MYO10: variants seen among roughly 807,000 people sequenced by gnomAD.
MYO10 encodes the protein unconventional myosin-X.
A neutral mutation model predicts 257.3 loss-of-function variants in MYO10; 133 were observed. The ratio of observed to expected loss-of-function variants is 0.52; its 90% CI spans 0.45 to 0.60. The LOEUF (loss-of-function observed/expected upper bound fraction) is 0.60, where lower values mean the gene tolerates loss of function less well. MYO10 is among the 20% of genes least tolerant of loss of function. The pLI is 0.00. For synonymous variants in MYO10, 1,104 were observed against 1,028.6 expected (o/e 1.07, Z -1.40); for missense variants, 2,399 against 2,635.7 (o/e 0.91, Z 1.97).
At chr5:16,787,640 T>C (rs1741626963) in intron 4 of MYO10, among the ~76,000 whole-genome samples, 1 of 148,678 alleles carries the variant, frequency 6.7e-6, no homozygotes, top group Admixed American at 6.7e-5. Context: ...AAAAACTTTC[T>C]AACTATAATA....
intron 21 of MYO10, among the ~76,000 whole-genome samples, chr5:16,706,316 C>CA (rs1161104820): frequency 6.6e-6 from 1 of 151,818 alleles, no homozygotes; most frequent in Non-Finnish European, 1.5e-5. Context: ...TATATACACA[C>CA]ACACACACTC....
chr5:16,684,335 C>T (rs1737145281), intron 29 of MYO10, among the ~76,000 whole-genome samples: 1 of 152,114 alleles, frequency 6.6e-6, no homozygotes. Flanking sequence ...CTCTGCCTTC[C>T]AGGTTCAAGT....
At chr5:16,900,744 G>GTTGTGTTTTT (rs1554007452) in intron 1 of MYO10, among the ~76,000 whole-genome samples, 1 of 132,752 alleles carries the variant, frequency 7.5e-6, no homozygotes, top group Non-Finnish European at 1.6e-5. Flanking sequence ...CCTAAATCTT[G>GTTGTGTTTTT]TTTTTTTTTT....
intron 30 of MYO10, among the ~76,000 whole-genome samples, chr5:16,683,562 A>G (rs1010723235): frequency 6.6e-6 from 1 of 152,232 alleles, no homozygotes; most frequent in African/African-American, 2.4e-5. Flanking sequence ...CATTTTCCTA[A>G]ACAGGCATTT....
rs25901 is a variant in MYO10 at position 16,673,866 on chromosome 5, C to G, written c.4988G>C (p.Ser1663Thr). 0.7 allele frequency: 1,124,570 copies of G among 1,613,576 alleles called. 397,421 individuals carry two copies. The highest frequency in any genetic ancestry group is 0.94 in the African/African-American group (70,623 of 75,014). Residue 1663 changes from serine to threonine, a missense_variant, in exon 36 of 41, where the codon AGC becomes ACC. By Grantham distance (58) the Ser-to-Thr change is moderately conservative. Transcript: ENST00000513610. ...LKRIREQFPG[S>T]EMEKYALFTY... ...GAAGAGAGCGTATTTTTCCATCTCG[C>G]TTCCTGGAAACTGTTCCCGTATCCT...
At chr5:16,807,889 G>C (rs1185376572) in intron 3 of MYO10, among the ~76,000 whole-genome samples, 1 of 151,984 alleles carries the variant, frequency 6.6e-6, no homozygotes, top group Non-Finnish European at 1.5e-5. Context: ...CTGAGCTATT[G>C]TTCATCGTTT....
intron 1 of MYO10, among the ~76,000 whole-genome samples, chr5:16,905,488 A>C (rs1745496275): frequency 6.6e-6 from 1 of 152,096 alleles, no homozygotes; most frequent in Non-Finnish European, 1.5e-5. Flanking sequence ...TCTCCCTGCA[A>C]TCAGAGCCAC....
chr5:16,882,779 G>A (rs1744790739), intron 1 of MYO10, among the ~76,000 whole-genome samples: 1 of 152,032 alleles, frequency 6.6e-6, no homozygotes, highest in African/African-American at 2.4e-5. Context: ...TGAAAAAGGT[G>A]GAAATCTGTC....
At chr5:16,898,552 A>G (rs904074620) in intron 1 of MYO10, among the ~76,000 whole-genome samples, 10 of 151,600 alleles carry the variant, frequency 6.6e-5, no homozygotes, top group Admixed American at 6.6e-4. Context: ...AGATGGGATT[A>G]CAGGGGCCCG....
At chr5:16,700,449 G>C (rs1350728686) in intron 25 of MYO10, among the ~76,000 whole-genome samples, 1 of 152,242 alleles carries the variant, frequency 6.6e-6, no homozygotes, top group Non-Finnish European at 1.5e-5. Flanking sequence ...GTCCGAGGCA[G>C]GTGGATCACC....
intron 1 of MYO10, chr5:16,902,586 T>C: frequency 5.7e-6 from 9 of 1,580,482 alleles, no homozygotes; most frequent in Non-Finnish European, 7.7e-6. Flanking sequence ...GCGAATAGGC[T>C]GCACGTGGCC....
At chr5:16,776,984 C>G (rs1319749324) in intron 9 of MYO10, among the ~76,000 whole-genome samples, 1 of 151,868 alleles carries the variant, frequency 6.6e-6, no homozygotes, top group African/African-American at 2.4e-5. Flanking sequence ...AAGCCAGAGA[C>G]AAGTCTTTTT....
intron 2 of MYO10, among the ~76,000 whole-genome samples, chr5:16,818,410 G>GTGTA (rs1553999544): frequency 7.8e-5 from 7 of 90,300 alleles, no homozygotes; most frequent in East Asian, 2.9e-4. Flanking sequence ...GTGTGTGTGT[G>GTGTA]TATATATATA....
intron 3 of MYO10, among the ~76,000 whole-genome samples, chr5:16,810,250 C>T (rs1025596298): frequency 6.6e-6 from 1 of 152,170 alleles, no homozygotes; most frequent in East Asian, 1.9e-4. Flanking sequence ...GCTTCCAGGA[C>T]GGTGCCACGT....
intron 19 of MYO10, among the ~76,000 whole-genome samples, chr5:16,752,386 A>G (rs1223757432): frequency 6.6e-6 from 1 of 152,074 alleles, no homozygotes; most frequent in African/African-American, 2.4e-5. Flanking sequence ...GGGTTCAAGC[A>G]ATTCTCCTGC....
At chr5:16,713,593 C>A (rs1452810194) in intron 19 of MYO10, 1 of 737,882 alleles carries the variant, frequency 1.4e-6, no homozygotes, top group African/African-American at 1.9e-5. Flanking sequence ...GAGATCCAGG[C>A]TCCCATTGCG....
At chr5:16,745,831 T>G (rs1428624745) in intron 19 of MYO10, among the ~76,000 whole-genome samples, 2 of 152,178 alleles carry the variant, frequency 1.3e-5, no homozygotes, top group African/African-American at 4.8e-5. Context: ...AAGAGAGAAC[T>G]AGATCATATT....
Position 16,818,054 on chromosome 5 carries a change from G to A in MYO10, c.234C>T (p.Ser78=), listed in dbSNP as rs1291599383. 5.6e-6 allele frequency: 9 copies of A among 1,606,898 alleles called. No individual in the cohort carries two copies. The African/African-American group carries it at 1.2e-4, about 21-fold the overall frequency. ...MASLTELHGG[S]IMYNLFQRYK... The stretch of plus-strand genomic sequence containing the variant: ...ACCGCTGGAATAAGTTATACATGAT[G>A]GAGCCGCCATGGAGCTCTGTCAAGG... Residue 78 remains serine (S), a synonymous_variant, in exon 3 of 41, where the codon TCC becomes TCT. Coordinates refer to ENST00000513610, the MANE Select transcript of MYO10 (RefSeq NM_012334.3).
At chr5:16,858,211 G>C (rs1744014626) in intron 2 of MYO10, among the ~76,000 whole-genome samples, 1 of 152,152 alleles carries the variant, frequency 6.6e-6, no homozygotes, top group African/African-American at 2.4e-5. Flanking sequence ...ATTTTCACGT[G>C]TCAAAATATG....
Sources: allele counts gnomAD v4.1 joint callset (sites outside exome capture counted in the v4.1 genomes callset), GRCh38; gene constraint gnomAD v4.1.1; transcripts MANE v1.5; gene names NCBI Gene and HGNC (gene_info 2026-07-23, HGNC 2026-07-21).